The following DOK5 variants were observed in gnomAD, a reference collection of about 807,000 sequenced individuals.
DOK5 encodes the protein downstream of tyrosine kinase 5.
A neutral mutation model predicts 43.3 loss-of-function variants in DOK5; 27 were observed. The ratio of observed to expected loss-of-function variants is 0.62; its 90% CI spans 0.46 to 0.86. The LOEUF (loss-of-function observed/expected upper bound fraction) is 0.86. Among genes scored for constraint, DOK5 ranks in the 40% least tolerant of loss-of-function variants. The pLI, the probability that DOK5 is intolerant of heterozygous loss-of-function variation, is 0.00. For synonymous variants in DOK5, 146 were observed against 140.1 expected (o/e 1.04, Z -0.30); for missense variants, 373 against 392.9 (o/e 0.95, Z 0.43).
At chr20:54,631,420 TAAAG>T (rs1978560131) in intron 6 of DOK5, among the ~76,000 whole-genome samples, 1 of 117,792 alleles carries the variant, frequency 8.5e-6, no homozygotes, top group African/African-American at 3.6e-5. Context: ...GTCAAAAAAA[TAAAG>T]AAAGAGAAGA....
chr20:54,603,498 C>T (rs1001521245), intron 5 of DOK5, among the ~76,000 whole-genome samples: 11 of 152,214 alleles, frequency 7.2e-5, no homozygotes, highest in African/African-American at 2.7e-4. Flanking sequence ...TATAGAAAAC[C>T]TCTTACCAGG....
At chr20:54,538,262 G>T (rs1391153505) in intron 1 of DOK5, among the ~76,000 whole-genome samples, 1 of 151,630 alleles carries the variant, frequency 6.6e-6, no homozygotes, top group Non-Finnish European at 1.5e-5. Flanking sequence ...ATTAAGGGAG[G>T]ACCTAATAAA....
At chr20:54,519,503 A>T (rs1983318151) in intron 1 of DOK5, among the ~76,000 whole-genome samples, 1 of 152,212 alleles carries the variant, frequency 6.6e-6, no homozygotes, top group African/African-American at 2.4e-5. Context: ...ACTATTGCCC[A>T]TATCACTGAA....
intron 2 of DOK5, among the ~76,000 whole-genome samples, chr20:54,573,313 T>C (rs1009396260): frequency 1.3e-5 from 2 of 152,072 alleles, no homozygotes; most frequent in African/African-American, 4.8e-5. Flanking sequence ...AGAATGCTTG[T>C]TGGGAGTGAC....
In DOK5 at chr20:54,650,509, T is replaced by A. The variant is rs747856502; in HGVS notation, c.*30T>A. ...AACTGCCAAGAATTGTTAACACACT[T>A]GTGATGTGTCAGCCACAGATTCACC... On this transcript the variant is annotated 3_prime_UTR_variant, in exon 8 of 8. Transcript: ENST00000262593. The A allele has an allele frequency of 1.2e-6, 2 of 1,605,260 alleles. No homozygotes were observed. Among genetic ancestry groups the A allele is most frequent in the Non-Finnish European group, 1.7e-6 (2 of 1,173,016 alleles).
chr20:54,505,210 G>T (rs113469381), intron 1 of DOK5, among the ~76,000 whole-genome samples: 3 of 152,050 alleles, frequency 2.0e-5, no homozygotes, highest in African/African-American at 7.2e-5. Context: ...ATTAAATCAG[G>T]GGTTGGTAAA....
At chr20:54,556,486 A>G (rs886648086) in intron 2 of DOK5, among the ~76,000 whole-genome samples, 13 of 151,974 alleles carry the variant, frequency 8.6e-5, no homozygotes, top group African/African-American at 1.5e-4. Flanking sequence ...CTTTTATAAC[A>G]CTCTAAACTA....
At chr20:54,569,047 C>G (rs1454644311) in intron 2 of DOK5, among the ~76,000 whole-genome samples, 1 of 149,198 alleles carries the variant, frequency 6.7e-6, no homozygotes, top group African/African-American at 2.5e-5. Context: ...GAAAAAAATG[C>G]TAATAGTTTA....
At chr20:54,520,230 C>T (rs1210547750) in intron 1 of DOK5, among the ~76,000 whole-genome samples, 2 of 152,156 alleles carry the variant, frequency 1.3e-5, no homozygotes, top group Admixed American at 1.3e-4. Flanking sequence ...TTAAGTCACT[C>T]TTGAGTTCTC....
At chr20:54,536,316 C>A (rs1983962536) in intron 1 of DOK5, among the ~76,000 whole-genome samples, 1 of 152,138 alleles carries the variant, frequency 6.6e-6, no homozygotes, top group Non-Finnish European at 1.5e-5. Flanking sequence ...TGCTTTGTGA[C>A]TTTATTGTCT....
intron 7 of DOK5, among the ~76,000 whole-genome samples, chr20:54,648,576 G>A: frequency 6.6e-6 from 1 of 152,038 alleles, no homozygotes; most frequent in South Asian, 2.1e-4. Context: ...CAAATGCAAA[G>A]GCCCTGAGTC....
intron 1 of DOK5, among the ~76,000 whole-genome samples, chr20:54,518,956 C>T (rs1983297341): frequency 6.6e-6 from 1 of 152,184 alleles, no homozygotes; most frequent in Non-Finnish European, 1.5e-5. Flanking sequence ...TGAAAAAATG[C>T]TCATCATCAC....
At chr20:54,564,903 C>T (rs796400751) in intron 2 of DOK5, among the ~76,000 whole-genome samples, 4 of 152,328 alleles carry the variant, frequency 2.6e-5, no homozygotes, top group African/African-American at 7.2e-5. Flanking sequence ...GCACATTTCT[C>T]CGACTTGCCA....
chr20:54,510,106 C>A (rs1009984685), intron 1 of DOK5, among the ~76,000 whole-genome samples: 6 of 152,114 alleles, frequency 3.9e-5, no homozygotes, highest in Admixed American at 1.3e-4. Context: ...TACCGCAGAA[C>A]TAAAAATAAG....
intron 1 of DOK5, among the ~76,000 whole-genome samples, chr20:54,553,036 G>C (rs1316012912): frequency 6.6e-6 from 1 of 152,092 alleles, no homozygotes; most frequent in Non-Finnish European, 1.5e-5. Flanking sequence ...AAACTTTGTA[G>C]TACATAAAAT....
chr20:54,553,925 A>G (rs999944610), intron 1 of DOK5, among the ~76,000 whole-genome samples: 23 of 150,338 alleles, frequency 1.5e-4, no homozygotes, highest in African/African-American at 5.1e-4. Flanking sequence ...AATTATACTT[A>G]GTAATTTTTA....
At position 54,538,926 on chromosome 20, in the gene DOK5, C is replaced by T. The variant is rs889692537; in HGVS notation, c.67-16007C>T. On this transcript the variant is annotated intron_variant, in intron 1 of 7. Coordinates refer to ENST00000262593, the MANE Select transcript of DOK5 (RefSeq NM_018431.5). ...TTATGCTAAATGAAAAAAGCCAAAT[C>T]GAAAAGGTTACATACTGTATGATTA... Among the ~76,000 whole-genome samples the T allele has an allele frequency of 6.6e-5, 10 of 152,214 alleles. No homozygotes were observed. In the South Asian group the frequency reaches 1.0e-3, roughly 16 times the overall value.
chr20:54,587,755 C>T (rs774209730), intron 2 of DOK5, among the ~76,000 whole-genome samples: 22 of 152,054 alleles, frequency 1.4e-4, no homozygotes, highest in Non-Finnish European at 1.6e-4. Context: ...AGAGAGAGAA[C>T]GTCTAGTGGG....
chr20:54,648,503 T>C (rs1310025263), intron 7 of DOK5, among the ~76,000 whole-genome samples: 3 of 151,964 alleles, frequency 2.0e-5, no homozygotes, highest in Non-Finnish European at 4.4e-5. Flanking sequence ...CCCCAAGACC[T>C]TAAGTCTAAA....
Sources: gnomAD v4.1 joint callset for allele counts (sites outside exome capture counted in the v4.1 genomes callset) on GRCh38, gnomAD v4.1.1 for gene constraint, MANE v1.5 for transcripts, NCBI Gene and HGNC (gene_info 2026-07-23, HGNC 2026-07-21) for gene names.